The following DNAH2 variants were observed in gnomAD, a reference collection of about 807,000 sequenced individuals.
DNAH2 encodes the protein axonemal beta dynein heavy chain 2.
A neutral mutation model predicts 523.5 loss-of-function variants in DNAH2; 323 were observed. The ratio of observed to expected loss-of-function variants is 0.62; its 90% CI spans 0.56 to 0.68. The LOEUF (loss-of-function observed/expected upper bound fraction) is 0.68, where lower values mean the gene tolerates loss of function less well. DNAH2 is among the 30% of genes least tolerant of loss of function. The pLI is 0.00. For missense variants in DNAH2, 4,907 were observed against 5,701.5 expected (o/e 0.86, Z 4.49); for synonymous variants, 2,093 against 2,177.4 (o/e 0.96, Z 1.08).
At position 7,780,400 on chromosome 17, in the gene DNAH2, A is replaced by G; in HGVS notation, c.5850+116A>G. The G allele has an allele frequency of 6.6e-7, 1 of 1,519,332 alleles. No individual in the cohort carries two copies. Among genetic ancestry groups the G allele is most frequent in the Non-Finnish European group, 9.0e-7 (1 of 1,112,238 alleles). The allele number at this position is 1,519,332 out of a possible 1,614,324, so 94.1% of individuals were successfully genotyped here. On this transcript the variant is annotated intron_variant, in intron 37 of 85. Coordinates refer to ENST00000572933, the MANE Select transcript of DNAH2 (RefSeq NM_020877.5). The surrounding 1 kb of genome is among the most constrained non-coding windows in gnomAD (Gnocchi z 4.4). ...GCTTATCCTCTAAGGAACTTAGACT[A>G]TTGTCAGTAGGATGTGTGGGGAGAA... is the stretch of plus-strand genomic sequence containing the variant.
chr17:7,759,544 C>T lies in DNAH2; in HGVS notation c.2571C>T (p.Thr857=). ...AGGCTATCAACGGGGATGGAAAGACCAGCCCAAACCCACTCTTCCAAGTCC... is the reference window on the plus strand; with the variant it reads ...AGGCTATCAACGGGGATGGAAAGACTAGCCCAAACCCACTCTTCCAAGTCC... ...LSKAINGDGK[T]SPNPLFQVLV... The change falls in exon 16 of 86, where the codon ACC becomes ACT. Residue 857 remains threonine, a synonymous_variant. Coordinates refer to ENST00000572933, the MANE Select transcript of DNAH2 (RefSeq NM_020877.5). The T allele has an allele frequency of 1.9e-6, 3 of 1,614,166 alleles. No homozygotes were observed. Among genetic ancestry groups the T allele is most frequent in the Non-Finnish European group, 2.5e-6 (3 of 1,180,038 alleles).
chr17:7,802,020 A>C lies in DNAH2; in HGVS notation c.8972+3A>C, dbSNP rs758930892. Reference sequence around the variant, plus strand: ...GAACTCCTGTCTGGATATAAGAAGTATGAAGGGGGGCAGGGGATGTGCAGG... The same window carrying C: ...GAACTCCTGTCTGGATATAAGAAGTCTGAAGGGGGGCAGGGGATGTGCAGG... On this transcript the variant is annotated splice_donor_region_variant and intron_variant, in intron 58 of 85. Coordinates refer to ENST00000572933, the MANE Select transcript of DNAH2 (RefSeq NM_020877.5). The C allele has an allele frequency of 6.2e-7, 1 of 1,614,028 alleles. No individual in the cohort carries two copies. Among genetic ancestry groups the C allele is most frequent in the Non-Finnish European group, 8.5e-7 (1 of 1,179,926 alleles).
At chr17:7,742,886 G>T in intron 11 of DNAH2, 42 bp from the exon 12 acceptor site, 1 of 1,397,642 alleles carries the variant, frequency 7.2e-7, no homozygotes, top group Non-Finnish European at 9.4e-7. Flanking sequence ...CCTGGAGGAA[G>T]GTGGCAGGCC....
intron 13 of DNAH2, among the ~76,000 whole-genome samples, chr17:7,757,497 T>C (rs2075878643): frequency 6.6e-6 from 1 of 152,120 alleles, no homozygotes; most frequent in Non-Finnish European, 1.5e-5. Context: ...CCATATATAT[T>C]GTAGCTCTGG....
chr17:7,718,224 A>T lies in DNAH2; in HGVS notation c.-590A>T, dbSNP rs1484829481. On this transcript the variant is annotated 5_prime_UTR_variant, in exon 1 of 86. It removes an upstream start codon present in the reference 5' UTR. Coordinates refer to ENST00000572933, the MANE Select transcript of DNAH2 (RefSeq NM_020877.5). ...GATCGCGTGGTGAACCCCACGGTGC[A>T]TGCGCCTCAGGCTCTAGTTTGAGGC... 3 of 152,164 alleles carry T rather than the reference A, an allele frequency of 2.0e-5. No homozygotes were observed. Among genetic ancestry groups the T allele is most frequent in the Non-Finnish European group, 4.4e-5 (3 of 68,046 alleles). 9.4% of individuals were successfully genotyped at this position (152,164 alleles called of 1,614,324 possible).
intron 12 of DNAH2, 26 bp from the exon 13 acceptor site, chr17:7,757,065 C>T: frequency 6.2e-7 from 1 of 1,613,572 alleles, no homozygotes. Flanking sequence ...GCGGTCCCCT[C>T]ACTGCCTGGC....
chr17:7,796,274 C>G (rs768894098), intron 49 of DNAH2, among the ~76,000 whole-genome samples, 190 bp from the exon 50 acceptor site: 20 of 152,018 alleles, frequency 1.3e-4, no homozygotes, highest in Non-Finnish European at 2.9e-4. Flanking sequence ...GTCTCGAACT[C>G]CCGACCTCAA....
intron 18 of DNAH2, among the ~76,000 whole-genome samples, chr17:7,762,868 A>G (rs1341264658): frequency 6.6e-6 from 1 of 151,252 alleles, no homozygotes. Context: ...TGTATTACAG[A>G]TGAGGAAACC....
In DNAH2 at chr17:7,727,290, C is replaced by CAGGT; in HGVS notation, c.398_399+2dup. On this transcript the variant is annotated frameshift_variant and splice_region_variant, in exon 4 of 86. Transcript: ENST00000572933. LOFTEE classifies it high-confidence loss of function. Reference sequence around the variant, plus strand: ...GAAGCTAGAGCTGGGCATGCCTGTACAGGTGCGTACCCTACATTCCCAGAT... The same window carrying CAGGT: ...GAAGCTAGAGCTGGGCATGCCTGTACAGGTAGGTGCGTACCCTACATTCCCAGAT... 6.2e-7 allele frequency: 1 copy of CAGGT among 1,606,480 alleles called. No homozygotes were observed. The highest frequency in any genetic ancestry group is 8.5e-7 in the Non-Finnish European group (1 of 1,177,274).
At chr17:7,740,070 G>GA (rs386385570) in intron 9 of DNAH2, 132 bp downstream of exon 9, 49 of 727,076 alleles carry the variant, frequency 6.7e-5, no homozygotes, top group Admixed American at 3.3e-4. Flanking sequence ...GTGGCCCGGG[G>GA]GGGGGGACAG....
intron 12 of DNAH2, among the ~76,000 whole-genome samples, chr17:7,745,395 C>T (rs1049450209): frequency 2.6e-5 from 4 of 152,148 alleles, no homozygotes; most frequent in Non-Finnish European, 4.4e-5. Context: ...GGAAAACTAA[C>T]TAATAGGTAC....
At position 7,734,165 on chromosome 17, in the gene DNAH2, A is replaced by C; in HGVS notation, c.629-18A>C. ...ACTCATCCCCTCTGTCCACTTCCAC[A>C]AACTTTCCTTTCCTTAGACACTCGG... On this transcript the variant is annotated intron_variant, in intron 5 of 85. Coordinates refer to ENST00000572933, the MANE Select transcript of DNAH2 (RefSeq NM_020877.5). The C allele has an allele frequency of 1.3e-6, 2 of 1,569,214 alleles. No individual in the cohort carries two copies. Among genetic ancestry groups the C allele is most frequent in the Non-Finnish European group, 1.7e-6 (2 of 1,156,000 alleles).
rs1228021003 is a variant in DNAH2, at chr17:7,801,858, T to C, written c.8833-20T>C. ...ACTTCCGTTTCCATCTGCCTTTTCATCCTGTGTCACTGGCCTCAGATCCAC... is the reference window on the plus strand; with the variant it reads ...ACTTCCGTTTCCATCTGCCTTTTCACCCTGTGTCACTGGCCTCAGATCCAC... On this transcript the variant is annotated intron_variant, in intron 57 of 85. Coordinates refer to ENST00000572933, the MANE Select transcript of DNAH2 (RefSeq NM_020877.5). 8 of 1,614,096 alleles carry C rather than the reference T, an allele frequency of 5.0e-6. No homozygotes were observed. Among genetic ancestry groups the C allele is most frequent in the Non-Finnish European group, 6.8e-6 (8 of 1,179,958 alleles).
intron 56 of DNAH2, among the ~76,000 whole-genome samples, chr17:7,799,757 G>A (rs2077171493): frequency 6.6e-6 from 1 of 152,120 alleles, no homozygotes; most frequent in East Asian, 1.9e-4. Flanking sequence ...GGCAGAGGTT[G>A]CAGTGAGCCG....
In DNAH2 at chr17:7,833,702, T is replaced by C; in HGVS notation, c.*169T>C. 1 of 934,448 alleles carries C rather than the reference T, an allele frequency of 1.1e-6. No individual in the cohort carries two copies. Among genetic ancestry groups the C allele is most frequent in the Middle Eastern group, 2.1e-4 (1 of 4,848 alleles). 57.9% of individuals were successfully genotyped at this position (934,448 alleles called of 1,614,324 possible). On this transcript the variant is annotated 3_prime_UTR_variant, in exon 86 of 86. Transcript: ENST00000572933. ...TGTGTTAGCCATAAAAGTGAAAGAGTTGTATTGGAGCTCAGTGCTGTAAAA... is the reference window on the plus strand; with the variant it reads ...TGTGTTAGCCATAAAAGTGAAAGAGCTGTATTGGAGCTCAGTGCTGTAAAA...
chr17:7,742,930 C>G lies in DNAH2; in HGVS notation c.1692C>G (p.Cys564Trp), dbSNP rs781048550. ...CCACCTGTTCTTCTTCCCCTCAGTG[C>G]CTTGCTGGTGCTCATTTCCTGCCCC... ...LRRRIDRVMT[C>W]LAGAHFLPRI... is the part of the protein sequence containing the mutation. The change falls in exon 12 of 86, where the codon TGC becomes TGG. Residue 564 changes from cysteine to tryptophan, a missense_variant and splice_region_variant. By Grantham distance (215) the Cys-to-Trp change is radical (BLOSUM62 -2). This residue lies in a region of DNAH2 where 2,806 missense variants were observed against 3,190.8 expected (regional missense o/e 0.88). Coordinates refer to ENST00000572933, the MANE Select transcript of DNAH2 (RefSeq NM_020877.5). 1 of 1,462,896 alleles carries G rather than the reference C, an allele frequency of 6.8e-7. No individual in the cohort carries two copies. Among genetic ancestry groups the G allele is most frequent in the Non-Finnish European group, 9.0e-7 (1 of 1,109,516 alleles). 90.6% of individuals were successfully genotyped at this position (1,462,896 alleles called of 1,614,324 possible).
At chr17:7,732,885 G>A (rs1190216932) in intron 4 of DNAH2, among the ~76,000 whole-genome samples, 2 of 152,126 alleles carry the variant, frequency 1.3e-5, no homozygotes, top group African/African-American at 4.8e-5. Context: ...TACTCTCAAG[G>A]CATACTCTCT....
Position 7,832,560 on chromosome 17 carries a change from A to T in DNAH2, c.12727-19A>T. 6.2e-7 allele frequency: 1 copy of T among 1,611,992 alleles called. No homozygotes were observed. Among genetic ancestry groups the T allele is most frequent in the Non-Finnish European group, 8.5e-7 (1 of 1,178,986 alleles). ...AATGCACGGCTAAATGAGTGAATACACACGCACTCCTTCCCCAGGCATACC... is the reference window on the plus strand; with the variant it reads ...AATGCACGGCTAAATGAGTGAATACTCACGCACTCCTTCCCCAGGCATACC... On this transcript the variant is annotated intron_variant, in intron 82 of 85. Transcript: ENST00000572933. The surrounding 1 kb of genome is among the most constrained non-coding windows in gnomAD (Gnocchi z 4.3).
intron 39 of DNAH2, among the ~76,000 whole-genome samples, chr17:7,784,424 C>T (rs557092093): frequency 1.2e-3 from 184 of 152,182 alleles, no homozygotes; most frequent in Non-Finnish European, 2.2e-3. Flanking sequence ...ATGCCTGTAG[C>T]CCCAGGACTT....
Sources: gnomAD v4.1 joint callset for allele counts (sites outside exome capture counted in the v4.1 genomes callset) on GRCh38, gnomAD v4.1.1 for gene constraint, gnomAD v4.1.1 regional missense constraint, Gnocchi (gnomAD v3.1) non-coding constraint, MANE v1.5 for transcripts, NCBI Gene and HGNC (gene_info 2026-07-23, HGNC 2026-07-21) for gene names.